The following ARMCX4 variants were observed in gnomAD, a reference collection of about 807,000 sequenced individuals.
ARMCX4 encodes the protein armadillo repeat containing X-linked 4.
A neutral mutation model predicts 34.7 loss-of-function variants in ARMCX4; 3 were observed. The ratio of observed to expected loss-of-function variants is 0.09; its 90% confidence interval spans 0.04 to 0.22. The LOEUF (loss-of-function observed/expected upper bound fraction) is 0.22. Ranked by LOEUF, ARMCX4 falls within the 10% of genes least tolerant of loss-of-function variation. The pLI, the probability that ARMCX4 is intolerant of heterozygous loss-of-function variation, is 1.00. For missense variants in ARMCX4, 1,448 were observed against 1,720.8 expected (o/e 0.84, Z 2.81); for synonymous variants, 513 against 632.8 (o/e 0.81, Z 2.84).
chrX:101,433,031 C>T (rs1256799392), intron 2 of ARMCX4, among the ~76,000 whole-genome samples: 1 of 80,244 alleles, frequency 1.2e-5, no homozygotes, highest in Non-Finnish European at 2.7e-5. Context: ...TATACATACA[C>T]GTGTATATAC....
chrX:101,480,159 C>CACAG (rs1933383188), intron 4 of ARMCX4, among the ~76,000 whole-genome samples: 1 of 105,429 alleles, frequency 9.5e-6, no homozygotes, highest in Admixed American at 1.0e-4. Context: ...CACACACACA[C>CACAG]ACACACACAC....
intron 2 of ARMCX4, among the ~76,000 whole-genome samples, chrX:101,432,713 T>C (rs1555992417): frequency 9.5e-6 from 1 of 105,584 alleles, no homozygotes; most frequent in South Asian, 3.9e-4. Flanking sequence ...TATATATGTA[T>C]ACATATATGT....
At chrX:101,515,397 C>CTTT (rs1569346603) in intron 11 of ARMCX4, among the ~76,000 whole-genome samples, 7 of 10,028 alleles carry the variant, frequency 7.0e-4, no homozygotes, top group Non-Finnish European at 1.3e-3. Context: ...TTCTTTCCCT[C>CTTT]CCTCCCTCCC....
At chrX:101,477,036 T>A (rs782610016) in intron 4 of ARMCX4, among the ~76,000 whole-genome samples, 29 of 111,550 alleles carry the variant, frequency 2.6e-4, no homozygotes, top group African/African-American at 9.1e-4. Flanking sequence ...CAGAATTTTA[T>A]AACACTCAAA....
Position 101,491,775 on chromosome X carries a change from C to A in ARMCX4, c.3186C>A (p.Ala1062=). 11 of 1,156,326 alleles carry A rather than the reference C, an allele frequency of 9.5e-6. No individual in the cohort carries two copies. The highest frequency in any genetic ancestry group is 1.3e-5 in the Non-Finnish European group (11 of 872,809). The change falls in exon 6 of 6, where the codon GCC becomes GCA. Residue 1062 remains alanine (A), a synonymous_variant. Coordinates refer to ENST00000423738, the MANE Select transcript of ARMCX4 (RefSeq NM_001256155.3). ...CAGAAGCCACAGCAGAAGATGAGGCCTATGCAAAGCCTGAGGCTGAGGCCA... is the reference window on the plus strand; with the variant it reads ...CAGAAGCCACAGCAGAAGATGAGGCATATGCAAAGCCTGAGGCTGAGGCCA... ...SEAEATAEDE[A]YAKPEAEAMP...
chrX:101,472,684 A>G (rs1262114929), intron 4 of ARMCX4, among the ~76,000 whole-genome samples: 2 of 82,254 alleles, frequency 2.4e-5, no homozygotes, highest in Non-Finnish European at 4.5e-5. Context: ...TTTTCAACCC[A>G]GAATTTCATA....
At chrX:101,509,944 T>C (rs781818690) in intron 10 of ARMCX4, among the ~76,000 whole-genome samples, 1 of 111,888 alleles carries the variant, frequency 8.9e-6, no homozygotes, top group African/African-American at 3.2e-5. Context: ...CAGTTCTTTT[T>C]TATATATTTA....
rs1556010266 is a variant in ARMCX4 at position 101,493,295 on chromosome X, G to A, written c.4706G>A (p.Gly1569Asp). Residue 1569 changes from glycine (G) to aspartate (D), a missense_variant, in exon 6 of 6, where the codon GGT becomes GAT. Gly to Asp is a moderately conservative substitution (Grantham distance 94). This residue lies in a region of ARMCX4 where 1,343 missense variants were observed against 1,540.7 expected (regional missense o/e 0.87). Transcript: ENST00000423738. The part of the protein sequence containing the change: ...WTGAGAVDQA[G>D]GCSKPGFEDQ... ...GGGGCTGGGGCTGTGGATCAGGCTG[G>A]TGGTTGTTCCAAACCTGGATTTGAG... 1.5e-5 allele frequency: 17 copies of A among 1,155,901 alleles called. No homozygotes were observed. The highest frequency in any genetic ancestry group is 1.7e-5 in the Non-Finnish European group (15 of 872,836).
chrX:101,477,386 G>A (rs942107179), intron 4 of ARMCX4, among the ~76,000 whole-genome samples: 1 of 79,877 alleles, frequency 1.3e-5, no homozygotes, highest in South Asian at 8.8e-4. Flanking sequence ...AGCCAAAATC[G>A]TGCCACTGTA....
At chrX:101,507,949 A>T (rs922343665) in intron 8 of ARMCX4, among the ~76,000 whole-genome samples, 7 of 112,458 alleles carry the variant, frequency 6.2e-5, no homozygotes, top group African/African-American at 2.3e-4. Flanking sequence ...TCAGCTAGTG[A>T]TGTCGTAGCC....
intron 11 of ARMCX4, among the ~76,000 whole-genome samples, chrX:101,525,939 C>T (rs1556020322): frequency 1.8e-5 from 2 of 111,904 alleles, no homozygotes; most frequent in African/African-American, 6.5e-5. Flanking sequence ...ATTTCCCCAA[C>T]CTAGCAAGGC....
In ARMCX4 at chrX:101,480,123, GACACACACACAC is replaced by G. The variant is rs57237822; in HGVS notation, c.-472-5858_-472-5847del. On this transcript the variant is annotated intron_variant and NMD_transcript_variant, in intron 4 of 15. Transcript: ENST00000433011. Reference sequence around the variant, plus strand: ...TATATGAATGGTGCTAGGATTTGGAGACACACACACACACACACACACACACACACACACACA... The same window carrying G: ...TATATGAATGGTGCTAGGATTTGGAGACACACACACACACACACACACACA... Among the ~76,000 whole-genome samples the G allele has an allele frequency of 3.4e-3, 262 of 76,686 alleles. 1 individual carries two copies. Among genetic ancestry groups the G allele is most frequent in the African/African-American group, 0.011 (248 of 22,507 alleles). The allele number at this position is 76,686 out of a possible 115,157, so 66.6% of individuals were successfully genotyped here. A position where few individuals can be genotyped will look rare whatever the true frequency, so the allele number is the denominator to read the frequency against.
chrX:101,486,993 T>C (rs1009356201), intron 2 of ARMCX4, among the ~76,000 whole-genome samples, 200 bp from the exon 3 acceptor site: 1 of 108,262 alleles, frequency 9.2e-6, no homozygotes, highest in Non-Finnish European at 1.9e-5. Context: ...CCTCTGTCTG[T>C]TGCCTTTTAC....
At chrX:101,450,214 C>T (rs782142212), downstream of ARMCX4, among the ~76,000 whole-genome samples, 27 of 112,456 alleles carry the variant, frequency 2.4e-4, no homozygotes, top group Non-Finnish European at 5.1e-4. Flanking sequence ...CCTCTGTAAC[C>T]ACTACCTGGC....
intron 7 of ARMCX4, among the ~76,000 whole-genome samples, chrX:101,501,767 A>G (rs1354333883): frequency 8.9e-6 from 1 of 112,348 alleles, no homozygotes; most frequent in Admixed American, 9.3e-5. Context: ...GCATTTGTAA[A>G]CTGTCATGGC....
chrX:101,508,405 G>A (rs937950602), intron 8 of ARMCX4, among the ~76,000 whole-genome samples: 1 of 111,416 alleles, frequency 9.0e-6, no homozygotes, highest in South Asian at 3.9e-4. Flanking sequence ...TTCCTGGCTC[G>A]TATATGGCCA....
At chrX:101,433,344 A>T (rs1555993211) in intron 2 of ARMCX4, among the ~76,000 whole-genome samples, 1 of 109,358 alleles carries the variant, frequency 9.1e-6, no homozygotes, top group East Asian at 2.9e-4. Flanking sequence ...ATGTACATAT[A>T]TGTACATATA....
At chrX:101,434,541 C>T (rs982631090) in intron 2 of ARMCX4, among the ~76,000 whole-genome samples, 10 of 111,430 alleles carry the variant, frequency 9.0e-5, no homozygotes, top group Admixed American at 3.8e-4. Context: ...CCACTGCGCC[C>T]GGCCATGGTC....
intron 2 of ARMCX4, among the ~76,000 whole-genome samples, chrX:101,486,861 A>T (rs1191290756): frequency 2.1e-4 from 23 of 109,651 alleles, no homozygotes; most frequent in African/African-American, 7.7e-4. Flanking sequence ...TGGGAGGTCG[A>T]GACTGTGGTG....
Sources: allele counts gnomAD v4.1 joint callset (sites outside exome capture counted in the v4.1 genomes callset), GRCh38; gene constraint gnomAD v4.1.1; regional missense constraint gnomAD v4.1.1; transcripts MANE v1.5; gene names NCBI Gene and HGNC (gene_info 2026-07-23, HGNC 2026-07-21).